NRXN3: variants seen among roughly 807,000 people sequenced by gnomAD.
NRXN3 encodes the protein neurexin III.
Under a neutral mutation model 137.6 loss-of-function variants are expected in NRXN3, and 32 were observed. The ratio of observed to expected loss-of-function variants is 0.23; its 90% CI spans 0.18 to 0.31. The LOEUF is 0.31. Ranked by LOEUF, NRXN3 falls within the 10% of genes least tolerant of loss-of-function variation. The pLI is 1.00. For missense variants in NRXN3, 1,574 were observed against 2,062.5 expected (o/e 0.76, Z 4.59); for synonymous variants, 798 against 784.5 (o/e 1.02, Z -0.29).
At chr14:78,787,979 T>C (rs1009281714) in intron 8 of NRXN3, among the ~76,000 whole-genome samples, 1 of 152,180 alleles carries the variant, frequency 6.6e-6, no homozygotes, top group Non-Finnish European at 1.5e-5. Context: ...CAAAGAATTG[T>C]AATTAACCCT....
chr14:79,109,027 A>G (rs1217801273), intron 15 of NRXN3, among the ~76,000 whole-genome samples: 3 of 152,170 alleles, frequency 2.0e-5, no homozygotes, highest in Non-Finnish European at 4.4e-5. Context: ...TAATATGACA[A>G]TTTCTGTTCA....
At position 79,675,627 on chromosome 14, in the gene NRXN3, C is replaced by T. The variant is rs567254422; in HGVS notation, c.3616+11678C>T. ...CTAGAGAGACAGAGAATAGTACTAC[C>T]GTGTAGGGTGACATAGACCTACTGG... On this transcript the variant is annotated intron_variant, in intron 17 of 20. Coordinates refer to ENST00000335750, the MANE Select transcript of NRXN3 (RefSeq NM_001330195.2). Among the ~76,000 whole-genome samples the T allele has an allele frequency of 5.3e-5, 8 of 152,130 alleles. No homozygotes were observed. In the East Asian group the frequency reaches 7.8e-4, roughly 15 times the overall value.
chr14:79,627,456 C>T (rs1223622740), intron 16 of NRXN3, among the ~76,000 whole-genome samples: 2 of 152,104 alleles, frequency 1.3e-5, no homozygotes, highest in African/African-American at 4.8e-5. Flanking sequence ...AGCCACACCC[C>T]AAAAGAATAA....
chr14:78,651,023 T>A (rs2152626704), intron 5 of NRXN3, 142 bp from the exon 6 acceptor site: 1 of 820,712 alleles, frequency 1.2e-6, no homozygotes, highest in East Asian at 2.7e-5. Context: ...TGGCTGCACA[T>A]ACCAAAATCA....
chr14:78,805,537 AT>A (rs1388552750), intron 9 of NRXN3, among the ~76,000 whole-genome samples: 9 of 151,662 alleles, frequency 5.9e-5, no homozygotes, highest in Non-Finnish European at 1.2e-4. Flanking sequence ...TTAAATCAAT[AT>A]AAGAGTGTGT....
chr14:79,709,756 G>T (rs1216534646), intron 19 of NRXN3, among the ~76,000 whole-genome samples: 1 of 152,112 alleles, frequency 6.6e-6, no homozygotes, highest in African/African-American at 2.4e-5. Flanking sequence ...TCTCGGGGCT[G>T]CTGTTCTCAT....
At chr14:79,738,653 T>C (rs1344394618) in intron 19 of NRXN3, among the ~76,000 whole-genome samples, 1 of 152,060 alleles carries the variant, frequency 6.6e-6, no homozygotes, top group Non-Finnish European at 1.5e-5. Flanking sequence ...CCGCCTCCCG[T>C]CTTCAAGTGT....
intron 4 of NRXN3, among the ~76,000 whole-genome samples, chr14:78,575,701 G>T (rs2096929790): frequency 6.6e-6 from 1 of 152,304 alleles, no homozygotes; most frequent in South Asian, 2.1e-4. Context: ...ATGATGGTAA[G>T]TGTTTTAAAG....
intron 20 of NRXN3, among the ~76,000 whole-genome samples, chr14:79,830,144 C>A (rs2099318493): frequency 6.6e-6 from 1 of 152,164 alleles, no homozygotes; most frequent in South Asian, 2.1e-4. Flanking sequence ...CTTGTCCAGA[C>A]AAGTTGCATC....
chr14:79,530,543 C>T (rs1194956953), intron 16 of NRXN3, among the ~76,000 whole-genome samples: 2 of 150,210 alleles, frequency 1.3e-5, no homozygotes, highest in African/African-American at 4.9e-5. Flanking sequence ...TCTCTCTGTG[C>T]TTGTTTTCTC....
intron 19 of NRXN3, among the ~76,000 whole-genome samples, chr14:79,751,866 G>T (rs1330805500): frequency 6.6e-6 from 1 of 151,886 alleles, no homozygotes; most frequent in Non-Finnish European, 1.5e-5. Context: ...TTATATGCTG[G>T]ATTACATTGA....
chr14:78,345,406 C>T (rs546863308), intron 4 of NRXN3, among the ~76,000 whole-genome samples: 5 of 152,250 alleles, frequency 3.3e-5, no homozygotes, highest in South Asian at 4.2e-4. Flanking sequence ...CTAAGTCTTA[C>T]GATTTTGAAA....
chr14:79,416,560 C>T (rs1028298068), intron 15 of NRXN3, among the ~76,000 whole-genome samples: 3 of 152,074 alleles, frequency 2.0e-5, no homozygotes, highest in Non-Finnish European at 4.4e-5. Flanking sequence ...AAATACAACA[C>T]AATTGCTATA....
At chr14:79,835,077 A>G (rs2099335342) in intron 20 of NRXN3, among the ~76,000 whole-genome samples, 1 of 152,122 alleles carries the variant, frequency 6.6e-6, no homozygotes, top group Non-Finnish European at 1.5e-5. Flanking sequence ...TTCACTTAGC[A>G]TAATAGGGGG....
At chr14:78,441,695 T>C (rs2094255442) in intron 4 of NRXN3, among the ~76,000 whole-genome samples, 1 of 152,164 alleles carries the variant, frequency 6.6e-6, no homozygotes, top group Admixed American at 6.5e-5. Context: ...TGTTACCTTA[T>C]TGGAAAAAAT....
chr14:79,198,857 G>A (rs1408732740), intron 15 of NRXN3, among the ~76,000 whole-genome samples: 1 of 152,170 alleles, frequency 6.6e-6, no homozygotes, highest in Non-Finnish European at 1.5e-5. Flanking sequence ...AGTAATTTCT[G>A]AGTTACTGAA....
At chr14:79,319,073 A>C (rs1020266581) in intron 15 of NRXN3, among the ~76,000 whole-genome samples, 3 of 152,214 alleles carry the variant, frequency 2.0e-5, no homozygotes, top group Non-Finnish European at 4.4e-5. Context: ...GCTTAAACAT[A>C]AAAGAGGATA....
chr14:79,635,046 A>G (rs1394995985), intron 16 of NRXN3, among the ~76,000 whole-genome samples: 4 of 152,212 alleles, frequency 2.6e-5, no homozygotes, highest in African/African-American at 9.6e-5. Flanking sequence ...ATATTGTGTC[A>G]TTCAAAATAG....
chr14:78,450,795 A>G (rs1328833897), intron 4 of NRXN3, among the ~76,000 whole-genome samples: 4 of 152,192 alleles, frequency 2.6e-5, no homozygotes, highest in Non-Finnish European at 4.4e-5. Context: ...TGGAAGTGCA[A>G]TTGCCTGGAA....
Sources: allele counts gnomAD v4.1 joint callset (sites outside exome capture counted in the v4.1 genomes callset), GRCh38; gene constraint gnomAD v4.1.1; transcripts MANE v1.5; gene names NCBI Gene and HGNC (gene_info 2026-07-23, HGNC 2026-07-21).